A4GALT: variants seen among roughly 807,000 people sequenced by gnomAD.
A4GALT encodes alpha 1,4-galactosyltransferase (P1PK blood group).
For missense variants in A4GALT, 512 were observed against 486.0 expected (o/e 1.05, Z -0.50); for synonymous variants, 257 against 220.7 (o/e 1.16, Z -1.46).
In A4GALT at chr22:42,693,296, G is replaced by A. The variant is rs374580731; in HGVS notation, c.656C>T (p.Ala219Val). 6 of 1,612,984 alleles carry A rather than the reference G, an allele frequency of 3.7e-6. No individual in the cohort carries two copies. The highest frequency in any genetic ancestry group is 2.7e-5 in the African/African-American group (2 of 74,934). The change falls in exon 3 of 3, where the codon GCG becomes GTG. Residue 219 changes from alanine to valine, a missense_variant. Coordinates refer to ENST00000642412, the MANE Select transcript of A4GALT (RefSeq NM_017436.7). ...GTGCCGGCGCTCGAAGGCCAGGAAC[G>A]CGCCGTTGAGGACGTAGCGGGACTG... ...GTQSRYVLNG[A>V]FLAFERRHEF...
At chr22:42,706,354 CAAAAAAAA>C (rs1164664187) in intron 1 of A4GALT, among the ~76,000 whole-genome samples, 3 of 83,820 alleles carry the variant, frequency 3.6e-5, no homozygotes, top group Non-Finnish European at 6.6e-5. Context: ...GACTCCATCC[CAAAAAAAA>C]AAAAAAAAAA....
chr22:42,714,180 T>C (rs1034921150), intron 1 of A4GALT, among the ~76,000 whole-genome samples: 22 of 137,740 alleles, frequency 1.6e-4, no homozygotes, highest in African/African-American at 5.8e-4. Context: ...GAAACTGAGG[T>C]GGGAGGACTG....
At chr22:42,715,349 C>A (rs1156231135) in intron 1 of A4GALT, among the ~76,000 whole-genome samples, 1 of 152,016 alleles carries the variant, frequency 6.6e-6, no homozygotes, top group Non-Finnish European at 1.5e-5. Context: ...CCATGGTAAC[C>A]ATCACTTACA....
rs1161069047 is a variant in A4GALT, at chr22:42,709,062, TA to T, written c.-188+11734del. Among the ~76,000 whole-genome samples the T allele has an allele frequency of 2.0e-3, 216 of 108,090 alleles. 2 individuals are homozygous for T. Among genetic ancestry groups the T allele is most frequent in the African/African-American group, 5.7e-3 (208 of 36,782 alleles). 70.9% of individuals were successfully genotyped at this position (108,090 alleles called of 152,430 possible). A position where few individuals can be genotyped will look rare whatever the true frequency, so the allele number is the denominator to read the frequency against. ...AGGAAAATTTAAATATATATATATATATATATTTTTTTTAAGACAGGGTCTG... is the reference window on the plus strand; with the variant it reads ...AGGAAAATTTAAATATATATATATATTATATTTTTTTTAAGACAGGGTCTG... On this transcript the variant is annotated intron_variant, in intron 1 of 2. Coordinates refer to ENST00000642412, the MANE Select transcript of A4GALT (RefSeq NM_017436.7).
At chr22:42,711,035 AAAG>A (rs1921645814) in intron 1 of A4GALT, among the ~76,000 whole-genome samples, 2 of 152,076 alleles carry the variant, frequency 1.3e-5, no homozygotes, top group South Asian at 4.1e-4. Flanking sequence ...AAAAAAAAAA[AAAG>A]AAGTGACAAC....
chr22:42,719,863 G>T (rs764840145), intron 1 of A4GALT, among the ~76,000 whole-genome samples: 38 of 152,214 alleles, frequency 2.5e-4, no homozygotes, highest in Non-Finnish European at 2.9e-4. Flanking sequence ...ACAATCACTC[G>T]ACGTTGGCGG....
In A4GALT at chr22:42,694,017, G is replaced by T; in HGVS notation, c.-46-20C>A. Reference sequence around the variant, plus strand: ...GCTGGTCTGCAAGAGATGAGCACCCGCCATCAGGGAGGCCGTTGGCATTCC... The same window carrying T: ...GCTGGTCTGCAAGAGATGAGCACCCTCCATCAGGGAGGCCGTTGGCATTCC... On this transcript the variant is annotated intron_variant, in intron 2 of 2. Transcript: ENST00000642412. 2 of 1,385,338 alleles carry T rather than the reference G, an allele frequency of 1.4e-6. No homozygotes were observed. Among genetic ancestry groups the T allele is most frequent in the Non-Finnish European group, 2.0e-6 (2 of 1,006,854 alleles). 85.8% of individuals were successfully genotyped at this position (1,385,338 alleles called of 1,614,324 possible). A position where few individuals can be genotyped will look rare whatever the true frequency, so the allele number is the denominator to read the frequency against.
rs6002908 is a variant in A4GALT, at chr22:42,698,269, G to A, written c.-187-2638C>T. 8.3e-3 allele frequency among the ~76,000 whole-genome samples: 1,257 copies of A among 151,150 alleles called. 18 individuals are homozygous for A. Among genetic ancestry groups the A allele is most frequent in the African/African-American group, 0.029 (1,202 of 41,042 alleles). On this transcript the variant is annotated intron_variant, in intron 1 of 2. Transcript: ENST00000642412. ...CTCAAAAAAAAAAAAAAAAAATCGA[G>A]AGGTGCAGGGCAATGGAGACAGAAG...
chr22:42,693,732 G>T lies in A4GALT; in HGVS notation c.220C>A (p.Pro74Thr). ...AGGAAGAAGATGTTGCCTGGAGTGG[G>T]GCCGTGGGAGGGTGGGGTGGGGGGT... is the stretch of plus-strand genomic sequence containing the variant. ...LTPPTPPSHG[P>T]TPGNIFFLET... is the part of the protein sequence containing the mutation. The change falls in exon 3 of 3, where the codon CCC (proline) becomes ACC (threonine). Residue 74 changes from proline (P) to threonine (T), a missense_variant. By Grantham distance (38) the Pro-to-Thr change is conservative (BLOSUM62 -1). Transcript: ENST00000642412. The T allele has an allele frequency of 6.2e-7, 1 of 1,612,278 alleles. No individual in the cohort carries two copies. Among genetic ancestry groups the T allele is most frequent in the Non-Finnish European group, 8.5e-7 (1 of 1,179,458 alleles).
chr22:42,715,639 A>T (rs557048889), intron 1 of A4GALT, among the ~76,000 whole-genome samples: 31 of 152,140 alleles, frequency 2.0e-4, no homozygotes, highest in African/African-American at 7.2e-4. Context: ...GCTTGAGCCC[A>T]GGAGGTTGAG....
intron 1 of A4GALT, among the ~76,000 whole-genome samples, chr22:42,705,471 C>CAG: frequency 7.6e-6 from 1 of 130,918 alleles, no homozygotes; most frequent in Admixed American, 7.7e-5. Flanking sequence ...GGCATGGTGG[C>CAG]GCGTGCCTGT....
chr22:42,706,228 A>G (rs565569113), intron 1 of A4GALT, among the ~76,000 whole-genome samples: 1,523 of 142,460 alleles, frequency 0.011, 36 homozygotes, highest in African/African-American at 0.038. Flanking sequence ...GGTGGCGGGC[A>G]CCTATAGTCC....
chr22:42,703,177 G>A (rs151217339), intron 1 of A4GALT, among the ~76,000 whole-genome samples: 4,476 of 150,094 alleles, frequency 0.03, 219 homozygotes, highest in African/African-American at 0.1. Flanking sequence ...CTTGGGGGCA[G>A]AGACTAGGCC....
In A4GALT at chr22:42,717,686, C is replaced by T. The variant is rs151065423; in HGVS notation, c.-188+3111G>A. On this transcript the variant is annotated intron_variant, in intron 1 of 2. Transcript: ENST00000642412. ...GCCAAGTCTCCCTCATCAGAAAGCACACACACAGATAAAGTAAAACAAAAA... is the reference window on the plus strand; with the variant it reads ...GCCAAGTCTCCCTCATCAGAAAGCATACACACAGATAAAGTAAAACAAAAA... 9.2e-5 allele frequency among the ~76,000 whole-genome samples: 14 copies of T among 152,244 alleles called. No individual in the cohort carries two copies. In the East Asian group the frequency reaches 2.5e-3, roughly 27 times the overall value.
chr22:42,693,313 G>A lies in A4GALT; in HGVS notation c.639C>T (p.Arg213=). 6.2e-7 allele frequency: 1 copy of A among 1,613,122 alleles called. No individual in the cohort carries two copies. Among genetic ancestry groups the A allele is most frequent in the South Asian group, 1.1e-5 (1 of 91,090 alleles). Residue 213 remains arginine (R), a synonymous_variant, in exon 3 of 3, where the codon CGC becomes CGT. Coordinates refer to ENST00000642412, the MANE Select transcript of A4GALT (RefSeq NM_017436.7). The part of the protein sequence containing the change: ...NLTNVLGTQS[R]YVLNGAFLAF... ...CCAGGAACGCGCCGTTGAGGACGTA[G>A]CGGGACTGGGTGCCCAGCACGTTGG... is the stretch of plus-strand genomic sequence containing the variant.
chr22:42,718,577 T>G (rs1245946793), intron 1 of A4GALT: 2 of 152,188 alleles, frequency 1.3e-5, no homozygotes, highest in Non-Finnish European at 2.9e-5. Context: ...AAAAACGTGT[T>G]TTTAAAGGTC....
intron 1 of A4GALT, among the ~76,000 whole-genome samples, chr22:42,700,736 T>A (rs1210213756): frequency 1.3e-5 from 2 of 152,118 alleles, no homozygotes; most frequent in African/African-American, 4.8e-5. Flanking sequence ...AAAATGGGAT[T>A]AACTCCACTT....
chr22:42,702,884 G>A (rs11703113), intron 1 of A4GALT, among the ~76,000 whole-genome samples: 1 of 143,998 alleles, frequency 6.9e-6, no homozygotes, highest in Admixed American at 6.6e-5. Context: ...CTGACCCCCA[G>A]TGAGGGATGC....
chr22:42,709,135 A>C (rs954355402), intron 1 of A4GALT, among the ~76,000 whole-genome samples: 8 of 150,030 alleles, frequency 5.3e-5, no homozygotes, highest in African/African-American at 2.0e-4. Context: ...GCTCACTTAC[A>C]GCCTCTACTT....
Sources: allele counts gnomAD v4.1 joint callset (sites outside exome capture counted in the v4.1 genomes callset), GRCh38; gene constraint gnomAD v4.1.1; transcripts MANE v1.5; gene names NCBI Gene and HGNC (gene_info 2026-07-23, HGNC 2026-07-21).